The following PLS1 variants were observed in gnomAD, a reference collection of about 807,000 sequenced individuals.
The protein encoded by PLS1 is plastin 1.
A neutral mutation model predicts 73.7 loss-of-function variants in PLS1; 32 were observed. The observed-to-expected ratio is 0.43, with a 90% CI of 0.33 to 0.58. The LOEUF (loss-of-function observed/expected upper bound fraction) is 0.58. Among genes scored for constraint, PLS1 ranks in the 20% least tolerant of loss-of-function variants. PLS1 has a pLI of 0.04. For missense variants in PLS1, 633 were observed against 740.5 expected (o/e 0.85, Z 1.68); for synonymous variants, 217 against 261.3 (o/e 0.83, Z 1.63).
At chr3:142,698,823 T>G (rs1001944916) in intron 12 of PLS1, among the ~76,000 whole-genome samples, 3 of 152,214 alleles carry the variant, frequency 2.0e-5, no homozygotes, top group African/African-American at 7.2e-5. Context: ...TTTCACCTTT[T>G]TCCACCTATC....
intron 1 of PLS1, among the ~76,000 whole-genome samples, chr3:142,656,320 G>C (rs2037235644): frequency 6.6e-6 from 1 of 152,158 alleles, no homozygotes; most frequent in African/African-American, 2.4e-5. Flanking sequence ...AAAAAGTTGA[G>C]CTCAGTTATT....
At chr3:142,673,548 C>T (rs1426263227) in intron 4 of PLS1, 1 of 152,102 alleles carries the variant, frequency 6.6e-6, no homozygotes, top group Non-Finnish European at 1.5e-5. Context: ...TTTGTTAACT[C>T]TATGTTTATC....
At chr3:142,642,659 T>C (rs945098535) in intron 1 of PLS1, among the ~76,000 whole-genome samples, 2 of 152,202 alleles carry the variant, frequency 1.3e-5, no homozygotes, top group Admixed American at 6.5e-5. Context: ...TGGTTAATTT[T>C]CTGAGCAAAA....
chr3:142,664,792 G>A (rs936977320), intron 2 of PLS1, among the ~76,000 whole-genome samples: 1 of 152,062 alleles, frequency 6.6e-6, no homozygotes, highest in Non-Finnish European at 1.5e-5. Flanking sequence ...TTTAAAGGCC[G>A]TATGCCTTAT....
chr3:142,661,500 A>G (rs1560055023), intron 1 of PLS1, among the ~76,000 whole-genome samples: 1 of 152,224 alleles, frequency 6.6e-6, no homozygotes, highest in Non-Finnish European at 1.5e-5. Flanking sequence ...TTCCTGAATA[A>G]ATTTGTGTAC....
At chr3:142,663,181 C>A (rs1255215372) in intron 1 of PLS1, among the ~76,000 whole-genome samples, 1 of 151,904 alleles carries the variant, frequency 6.6e-6, no homozygotes, top group African/African-American at 2.4e-5. Flanking sequence ...TGCCATTGCA[C>A]TCCAGCCTGG....
At chr3:142,629,923 G>T (rs1272723768) in intron 1 of PLS1, among the ~76,000 whole-genome samples, 1 of 152,096 alleles carries the variant, frequency 6.6e-6, no homozygotes, top group Non-Finnish European at 1.5e-5. Context: ...AATGTCTCCA[G>T]ACATTGCCAG....
chr3:142,618,128 T>C (rs1036525023), intron 1 of PLS1, among the ~76,000 whole-genome samples: 2 of 152,208 alleles, frequency 1.3e-5, no homozygotes, highest in Non-Finnish European at 2.9e-5. Flanking sequence ...TTTATTTTTG[T>C]AGTGTTTTTC....
chr3:142,604,762 G>A (rs758954957), intron 1 of PLS1, among the ~76,000 whole-genome samples: 2 of 151,936 alleles, frequency 1.3e-5, no homozygotes, highest in East Asian at 1.9e-4. Flanking sequence ...GTGAAACCCC[G>A]TCTCTACTAA....
intron 14 of PLS1, among the ~76,000 whole-genome samples, chr3:142,706,060 G>A (rs1315573200): frequency 6.6e-6 from 1 of 152,084 alleles, no homozygotes; most frequent in Non-Finnish European, 1.5e-5. Flanking sequence ...GAAATTATAT[G>A]CATTTGCACA....
chr3:142,637,469 A>G (rs2036719317), intron 1 of PLS1, among the ~76,000 whole-genome samples: 1 of 152,198 alleles, frequency 6.6e-6, no homozygotes, highest in Non-Finnish European at 1.5e-5. Flanking sequence ...AGTTTCAAAT[A>G]TGTTCTAATA....
At position 142,601,534 on chromosome 3, in the gene PLS1, A is replaced by G. The variant is rs1235246783; in HGVS notation, c.-37+5025A>G. ...TGCAACAATTACTCATTTATTTTTA[A>G]TTTTTATTTTTTAAAAACAGGGTTT... On this transcript the variant is annotated intron_variant, in intron 1 of 15. Transcript: ENST00000457734. Among the ~76,000 whole-genome samples, 11 of 152,192 alleles carry G rather than the reference A, an allele frequency of 7.2e-5. No individual in the cohort carries two copies. In the East Asian group the frequency reaches 1.7e-3, roughly 24 times the overall value.
Position 142,615,825 on chromosome 3 carries a change from C to T in PLS1, c.-37+19316C>T, listed in dbSNP as rs1359246931. On this transcript the variant is annotated intron_variant, in intron 1 of 15. Transcript: ENST00000457734. Reference sequence around the variant, plus strand: ...CCCCACTCTGTAAAAACCACTTTAGCTCCATTGAGTATAGCAGTGGTTTTT... The same window carrying T: ...CCCCACTCTGTAAAAACCACTTTAGTTCCATTGAGTATAGCAGTGGTTTTT... Among the ~76,000 whole-genome samples the T allele has an allele frequency of 2.6e-5, 4 of 152,146 alleles. No homozygotes were observed. The East Asian group carries it at 7.7e-4, about 29-fold the overall frequency.
intron 11 of PLS1, among the ~76,000 whole-genome samples, chr3:142,695,204 A>G (rs1426052874): frequency 6.6e-6 from 1 of 152,146 alleles, no homozygotes; most frequent in Non-Finnish European, 1.5e-5. Context: ...TTTTAGAAAA[A>G]AGTTCTAATT....
At chr3:142,603,891 T>C (rs1392522904) in intron 1 of PLS1, among the ~76,000 whole-genome samples, 1 of 152,100 alleles carries the variant, frequency 6.6e-6, no homozygotes, top group Admixed American at 6.5e-5. Context: ...TTCTTGATAG[T>C]AAATTGGATG....
intron 1 of PLS1, chr3:142,597,217 C>T (rs2108525173): frequency 6.6e-6 from 1 of 152,164 alleles, no homozygotes; most frequent in Middle Eastern, 3.4e-3. Context: ...TGGCTTATAC[C>T]GTGATATCTT....
In PLS1 at chr3:142,600,895, TATATATATATATATATATA is replaced by T. The variant is rs1399852213; in HGVS notation, c.-37+4387_-37+4405del. On this transcript the variant is annotated intron_variant, in intron 1 of 15. Coordinates refer to ENST00000457734, the MANE Select transcript of PLS1 (RefSeq NM_001145319.2). ...CTGGTTTCATATATATATATATATA[TATATATATATATATATATA>T]TATTTTTTTTTTTTTTTTTTTTTTT... Among the ~76,000 whole-genome samples the T allele has an allele frequency of 7.8e-4, 23 of 29,454 alleles. 2 individuals carry two copies. Among genetic ancestry groups the T allele is most frequent in the African/African-American group, 3.3e-3 (20 of 6,128 alleles). 19.3% of individuals were successfully genotyped at this position (29,454 alleles called of 152,430 possible). A position where few individuals can be genotyped will look rare whatever the true frequency, so the allele number is the denominator to read the frequency against.
chr3:142,602,712 G>A (rs951012082), intron 1 of PLS1, among the ~76,000 whole-genome samples: 2 of 152,024 alleles, frequency 1.3e-5, no homozygotes, highest in East Asian at 3.9e-4. Context: ...TCTCAAAATG[G>A]AACTCAGCTG....
intron 3 of PLS1, 150 bp from the exon 4 acceptor site, chr3:142,670,843 G>T: frequency 1.9e-6 from 1 of 521,802 alleles, no homozygotes. Context: ...TTGGTAAAAT[G>T]ATGAAAGTTA....
Sources: gnomAD v4.1 joint callset for allele counts (sites outside exome capture counted in the v4.1 genomes callset) on GRCh38, gnomAD v4.1.1 for gene constraint, MANE v1.5 for transcripts, NCBI Gene and HGNC (gene_info 2026-07-23, HGNC 2026-07-21) for gene names.